The following CTNNB1 variants were observed in gnomAD, a reference collection of about 807,000 sequenced individuals.
CTNNB1 encodes the protein catenin beta 1, also known as catenin beta-1.
Under a neutral mutation model 82.5 loss-of-function variants are expected in CTNNB1, and 6 were observed. The ratio of observed to expected loss-of-function variants is 0.07; its 90% CI spans 0.04 to 0.14. CTNNB1 has a LOEUF of 0.14. Among genes scored for constraint, CTNNB1 ranks in the 10% least tolerant of loss-of-function variants. The pLI is 1.00. For synonymous variants in CTNNB1, 312 were observed against 329.7 expected (o/e 0.95, Z 0.58); for missense variants, 529 against 980.4 (o/e 0.54, Z 6.15).
intron 1 of CTNNB1, among the ~76,000 whole-genome samples, chr3:41,208,527 C>G (rs1559456441): frequency 6.6e-6 from 1 of 152,240 alleles, no homozygotes; most frequent in African/African-American, 2.4e-5. Context: ...AACAGCCCAT[C>G]AATCCCATTG....
chr3:41,239,892 A>C lies in CTNNB1; in HGVS notation c.*550A>C, dbSNP rs2078533773. 4.7e-6 allele frequency: 1 copy of C among 212,462 alleles called. No homozygotes were observed. The highest frequency in any genetic ancestry group is 2.3e-5 in the African/African-American group (1 of 43,532). The allele number at this position is 212,462 out of a possible 1,614,324, so 13.2% of individuals were successfully genotyped here. On this transcript the variant is annotated 3_prime_UTR_variant, in exon 15 of 15. Coordinates refer to ENST00000349496, the MANE Select transcript of CTNNB1 (RefSeq NM_001904.4). ...GCACAAGAATGGATCACAAGATGGAATTTATCAAACCCTAGCCTTGCTTGT... is the reference window on the plus strand; with the variant it reads ...GCACAAGAATGGATCACAAGATGGACTTTATCAAACCCTAGCCTTGCTTGT...
Position 41,238,901 on chromosome 3 carries a change from G to T in CTNNB1, c.2138-233G>T, listed in dbSNP as rs11564478. On this transcript the variant is annotated intron_variant, in intron 14 of 14. Transcript: ENST00000349496. ...TGATGTGACTAGGCCCTGCTGGTGTGCCTGTCTGATGGAAATAGATGTTAT... is the reference window on the plus strand; with the variant it reads ...TGATGTGACTAGGCCCTGCTGGTGTTCCTGTCTGATGGAAATAGATGTTAT... Among the ~76,000 whole-genome samples the T allele has an allele frequency of 1.5e-3, 223 of 152,302 alleles. No individual in the cohort carries two copies. In the East Asian group the frequency reaches 0.018, roughly 12 times the overall value.
intron 7 of CTNNB1, among the ~76,000 whole-genome samples, chr3:41,229,344 T>C (rs186089868): frequency 5.2e-4 from 79 of 152,318 alleles, no homozygotes; most frequent in Non-Finnish European, 6.9e-4. Context: ...TGAAATAGAA[T>C]GTTTTTTCAT....
chr3:41,213,471 C>G (rs780700004), intron 1 of CTNNB1, among the ~76,000 whole-genome samples: 28 of 152,184 alleles, frequency 1.8e-4, no homozygotes, highest in Non-Finnish European at 3.7e-4. Context: ...GTCTCCCTCT[C>G]AAGAATGCAG....
intron 1 of CTNNB1, among the ~76,000 whole-genome samples, chr3:41,213,881 A>G (rs1172320206): frequency 6.6e-6 from 1 of 152,130 alleles, no homozygotes; most frequent in East Asian, 1.9e-4. Flanking sequence ...TCTTTCTGTA[A>G]TCTTCTTTTC....
Position 41,240,292 on chromosome 3 carries a change from G to C in CTNNB1, c.*950G>C, listed in dbSNP as rs2125656756. 5.2e-6 allele frequency: 1 copy of C among 192,418 alleles called. No homozygotes were observed. Among genetic ancestry groups the C allele is most frequent in the East Asian group, 8.2e-5 (1 of 12,142 alleles). The allele number at this position is 192,418 out of a possible 1,614,324, so 11.9% of individuals were successfully genotyped here. A position where few individuals can be genotyped will look rare whatever the true frequency, so the allele number is the denominator to read the frequency against. ...ACTATTTGGGATATGTATGGGTAGG[G>C]TAAATCAGTAAGAGGTGTTATTTGG... On this transcript the variant is annotated 3_prime_UTR_variant, in exon 15 of 15. Coordinates refer to ENST00000349496, the MANE Select transcript of CTNNB1 (RefSeq NM_001904.4).
chr3:41,200,007 C>G (rs1475765001), intron 1 of CTNNB1: 3 of 127,562 alleles, frequency 2.4e-5, no homozygotes, highest in Non-Finnish European at 4.8e-5. Flanking sequence ...GGGCTCTGGC[C>G]TTGGCCGAGT....
chr3:41,207,276 C>T (rs1455701340), intron 1 of CTNNB1, among the ~76,000 whole-genome samples: 1 of 152,092 alleles, frequency 6.6e-6, no homozygotes, highest in Non-Finnish European at 1.5e-5. Flanking sequence ...TAAGTGGGTG[C>T]TGGGAAATAA....
intron 7 of CTNNB1, among the ~76,000 whole-genome samples, chr3:41,231,499 G>A (rs896359920): frequency 6.6e-6 from 1 of 152,156 alleles, no homozygotes; most frequent in South Asian, 2.1e-4. Flanking sequence ...TACTCATGGA[G>A]TTTATTCATG....
At position 41,224,088 on chromosome 3, in the gene CTNNB1, G is replaced by A. The variant is rs2078115892; in HGVS notation, c.13+7G>A. 1 of 1,613,790 alleles carries A rather than the reference G, an allele frequency of 6.2e-7. No individual in the cohort carries two copies. The highest frequency in any genetic ancestry group is 1.3e-5 in the African/African-American group (1 of 75,014). ...TGGACAATGGCTACTCAAGGTTTGTGTCATTAAATCTTTAGTTACTGAATT... is the reference window on the plus strand; with the variant it reads ...TGGACAATGGCTACTCAAGGTTTGTATCATTAAATCTTTAGTTACTGAATT... On this transcript the variant is annotated splice_region_variant and intron_variant, in intron 2 of 14. Coordinates refer to ENST00000349496, the MANE Select transcript of CTNNB1 (RefSeq NM_001904.4).
intron 1 of CTNNB1, among the ~76,000 whole-genome samples, chr3:41,210,744 AATCATT>A (rs1398972302): frequency 2.5e-4 from 38 of 152,170 alleles, no homozygotes; most frequent in South Asian, 6.2e-4. Context: ...AACCTGTAAC[AATCATT>A]ATCATTATCA....
chr3:41,215,461 G>A (rs982512135), intron 1 of CTNNB1, among the ~76,000 whole-genome samples: 1 of 145,116 alleles, frequency 6.9e-6, no homozygotes, highest in Admixed American at 7.0e-5. Flanking sequence ...ATTACATTTT[G>A]TGTGTTCTCC....
intron 7 of CTNNB1, among the ~76,000 whole-genome samples, chr3:41,232,930 A>G (rs559365947): frequency 1.3e-5 from 2 of 152,322 alleles, no homozygotes; most frequent in Admixed American, 6.5e-5. Context: ...TGCCTCTTCC[A>G]ACTAGATCAT....
chr3:41,235,913 T>A, intron 11 of CTNNB1, 70 bp downstream of exon 11: 1 of 1,563,734 alleles, frequency 6.4e-7, no homozygotes, highest in African/African-American at 1.4e-5. Flanking sequence ...CTAATAACAT[T>A]TCAGAAAATT....
chr3:41,205,962 C>T (rs1200436425), intron 1 of CTNNB1, among the ~76,000 whole-genome samples: 2 of 152,156 alleles, frequency 1.3e-5, no homozygotes, highest in South Asian at 4.1e-4. Context: ...AAGTTTCCTA[C>T]CTCTGGTATC....
chr3:41,231,938 A>C (rs2125635441), intron 7 of CTNNB1, among the ~76,000 whole-genome samples: 1 of 152,328 alleles, frequency 6.6e-6, no homozygotes, highest in East Asian at 1.9e-4. Context: ...AACCCTCAGA[A>C]GGCATCCTTA....
rs144984470 is a variant in CTNNB1 at position 41,230,927 on chromosome 3, G to C, written c.1082-2414G>C. On this transcript the variant is annotated intron_variant, in intron 7 of 14. Coordinates refer to ENST00000349496, the MANE Select transcript of CTNNB1 (RefSeq NM_001904.4). ...GCTAAAACAAAAAAAAATTGCAAAA[G>C]AATCTCATAATGTTTAAGAAAGTTT... 3.1e-4 allele frequency among the ~76,000 whole-genome samples: 47 copies of C among 152,282 alleles called. No homozygotes were observed. The East Asian group carries it at 8.3e-3, about 27-fold the overall frequency.
In CTNNB1 at chr3:41,239,196, A is replaced by G. The variant is rs2125653370; in HGVS notation, c.2200A>G (p.Met734Val). ...CCAGGATGCCTTGGGTATGGACCCC[A>G]TGATGGAACATGAGATGGGTGGCCA... ...YGQDALGMDP[M>V]MEHEMGGHHP... Residue 734 changes from methionine to valine, a missense_variant, in exon 15 of 15, where the codon ATG becomes GTG. By Grantham distance (21) the Met-to-Val change is conservative. This residue lies in a region of CTNNB1 where 102 missense variants were observed against 130.8 expected (regional missense o/e 0.78). Coordinates refer to ENST00000349496, the MANE Select transcript of CTNNB1 (RefSeq NM_001904.4). 4 of 1,614,158 alleles carry G rather than the reference A, an allele frequency of 2.5e-6. No homozygotes were observed. The highest frequency in any genetic ancestry group is 3.4e-6 in the Non-Finnish European group (4 of 1,180,012).
At chr3:41,222,842 CT>C (rs1314019568) in intron 1 of CTNNB1, among the ~76,000 whole-genome samples, 17 of 152,254 alleles carry the variant, frequency 1.1e-4, no homozygotes, top group Admixed American at 4.6e-4. Context: ...TTGGAGTCTC[CT>C]TTTGCAGAAA....
Sources: allele counts gnomAD v4.1 joint callset (sites outside exome capture counted in the v4.1 genomes callset), GRCh38; gene constraint gnomAD v4.1.1; regional missense constraint gnomAD v4.1.1; transcripts MANE v1.5; gene names NCBI Gene and HGNC (gene_info 2026-07-23, HGNC 2026-07-21).